Variants in TENM3 observed in about 807,000 individuals in gnomAD.
TENM3 encodes the protein teneurin transmembrane protein 3.
TENM3 carries 63 observed loss-of-function variants against 255.1 expected under a neutral mutation model. The observed-to-expected ratio is 0.25, with a 90% confidence interval of 0.20 to 0.30. The LOEUF is 0.30. Among genes scored for constraint, TENM3 ranks in the 10% least tolerant of loss-of-function variants. TENM3 has a pLI of 1.00. For synonymous variants in TENM3, 1,306 were observed against 1,322.3 expected, an observed-to-expected ratio of 0.99 and a Z score of 0.27; for missense variants, 2,929 against 3,461.1, an observed-to-expected ratio of 0.85 and a Z score of 3.86.
the TENM3 span, among the ~76,000 whole-genome samples, chr4:182,100,859 TC>T: frequency 0.033 from 110 of 3,370 alleles, 35 homozygotes; most frequent in African/African-American, 0.054. Context: ...ATATATATAC[TC>T]ATATATATAT....
chr4:182,542,773 G>A (rs1002838175), intron 3 of TENM3, among the ~76,000 whole-genome samples: 1 of 152,162 alleles, frequency 6.6e-6, no homozygotes, highest in African/African-American at 2.4e-5. Flanking sequence ...GAGTAAAAAT[G>A]ATTCTATACA....
the TENM3 span, among the ~76,000 whole-genome samples, chr4:182,032,560 C>T: frequency 6.6e-6 from 1 of 152,014 alleles, no homozygotes; most frequent in African/African-American, 2.4e-5. Flanking sequence ...ATGATGCTGG[C>T]CTTATAAAAT....
chr4:181,930,123 C>A, the TENM3 span, among the ~76,000 whole-genome samples: 4 of 151,988 alleles, frequency 2.6e-5, no homozygotes, highest in East Asian at 7.7e-4. Context: ...ACTAGAGAAG[C>A]AAGAGCAAAC....
intron 12 of TENM3, among the ~76,000 whole-genome samples, chr4:182,703,132 T>C (rs901190672): frequency 6.6e-6 from 1 of 152,214 alleles, no homozygotes; most frequent in Non-Finnish European, 1.5e-5. Flanking sequence ...TAGATGAAAA[T>C]TAATTTTTAT....
At chr4:182,757,400 T>C (rs937182087) in intron 22 of TENM3, among the ~76,000 whole-genome samples, 4 of 146,956 alleles carry the variant, frequency 2.7e-5, no homozygotes, top group South Asian at 2.2e-4. Context: ...GGGGGAAACA[T>C]AGAGAAATAA....
the TENM3 span, among the ~76,000 whole-genome samples, chr4:181,925,004 A>G: frequency 3.9e-5 from 6 of 152,332 alleles, no homozygotes; most frequent in East Asian, 1.2e-3. Flanking sequence ...GTCAAATACA[A>G]TAGTATTTTC....
intron 1 of TENM3, among the ~76,000 whole-genome samples, chr4:182,184,641 A>G (rs1175437875): frequency 6.6e-6 from 1 of 152,162 alleles, no homozygotes; most frequent in Non-Finnish European, 1.5e-5. Context: ...GATTTGTCAT[A>G]TAGGACCCAG....
chr4:181,601,317 T>A, the TENM3 span, among the ~76,000 whole-genome samples: 5 of 152,228 alleles, frequency 3.3e-5, no homozygotes, highest in African/African-American at 1.2e-4. Context: ...TTTGCTATGG[T>A]TGCCATAACA....
At chr4:181,515,489 C>T in the TENM3 span, among the ~76,000 whole-genome samples, 1 of 151,976 alleles carries the variant, frequency 6.6e-6, no homozygotes, top group Non-Finnish European at 1.5e-5. Context: ...GTCTCTTTTC[C>T]TGTTTTCTGC....
chr4:182,788,341 T>C (rs1235633994), intron 24 of TENM3, among the ~76,000 whole-genome samples: 1 of 152,196 alleles, frequency 6.6e-6, no homozygotes, highest in African/African-American at 2.4e-5. Flanking sequence ...AAGGCTGGGT[T>C]GTGTATGCCT....
the TENM3 span, among the ~76,000 whole-genome samples, chr4:181,846,541 A>C: frequency 6.6e-6 from 1 of 152,224 alleles, no homozygotes; most frequent in Admixed American, 6.5e-5. Context: ...TATTAAGAGA[A>C]AATGATTATT....
chr4:181,772,036 T>A, the TENM3 span, among the ~76,000 whole-genome samples: 1 of 152,306 alleles, frequency 6.6e-6, no homozygotes, highest in Admixed American at 6.5e-5. Flanking sequence ...GCACAACACG[T>A]ACTGTATAAC....
chr4:182,153,423 T>C (rs1253323160), intron 1 of TENM3, among the ~76,000 whole-genome samples: 4 of 152,082 alleles, frequency 2.6e-5, no homozygotes, highest in Admixed American at 2.6e-4. Flanking sequence ...GATACATCAA[T>C]TCTTGGTTTT....
At chr4:181,593,949 C>T in the TENM3 span, among the ~76,000 whole-genome samples, 93,853 of 151,346 alleles carry the variant, frequency 0.62, 29,406 homozygotes, top group Non-Finnish European at 0.68. Flanking sequence ...CCTGACACAA[C>T]GGTCATTAAG....
At chr4:182,162,637 G>C (rs1319538945) in intron 1 of TENM3, among the ~76,000 whole-genome samples, 1 of 152,130 alleles carries the variant, frequency 6.6e-6, no homozygotes, top group Non-Finnish European at 1.5e-5. Context: ...TTATTTTTCA[G>C]TTTGGAGGCT....
intron 3 of TENM3, among the ~76,000 whole-genome samples, chr4:182,460,209 A>T (rs181987953): frequency 6.6e-6 from 1 of 152,290 alleles, no homozygotes; most frequent in East Asian, 1.9e-4. Flanking sequence ...AGGACGTAAA[A>T]ATTGAATAAA....
At chr4:181,797,098 C>T in the TENM3 span, among the ~76,000 whole-genome samples, 1 of 152,010 alleles carries the variant, frequency 6.6e-6, no homozygotes, top group East Asian at 1.9e-4. Context: ...AATATGCTCC[C>T]TCCCCTTTTC....
chr4:181,922,904 G>A, the TENM3 span, among the ~76,000 whole-genome samples: 8 of 152,040 alleles, frequency 5.3e-5, no homozygotes, highest in South Asian at 1.7e-3. Context: ...ACACTGCTTT[G>A]AATGTGTCCC....
the TENM3 span, among the ~76,000 whole-genome samples, chr4:182,059,160 T>A: frequency 6.6e-6 from 1 of 152,058 alleles, no homozygotes; most frequent in African/African-American, 2.4e-5. Flanking sequence ...ACACAGCTGG[T>A]TTTAGAAGCA....
Sources: gnomAD v4.1 joint callset for allele counts (sites outside exome capture counted in the v4.1 genomes callset) on GRCh38, gnomAD v4.1.1 for gene constraint, MANE v1.5 for transcripts, NCBI Gene and HGNC (gene_info 2026-07-23, HGNC 2026-07-21) for gene names.